Variants in DPP10 observed in about 807,000 individuals in gnomAD.
DPP10 encodes inactive dipeptidyl peptidase 10.
DPP10 carries 33 observed loss-of-function variants against 120.9 expected under a neutral mutation model. The observed-to-expected ratio is 0.27, with a 90% CI of 0.21 to 0.37. The LOEUF is 0.37. Ranked by LOEUF, DPP10 falls within the 10% of genes least tolerant of loss-of-function variation. DPP10 has a pLI of 1.00. For missense variants in DPP10, 816 were observed against 942.8 expected, an observed-to-expected ratio of 0.87 and a Z score of 1.76; for synonymous variants, 337 against 326.1, an observed-to-expected ratio of 1.03 and a Z score of -0.36.
intron 1 of DPP10, among the ~76,000 whole-genome samples, chr2:114,502,904 G>A (rs944197520): frequency 2.3e-4 from 35 of 152,300 alleles, no homozygotes; most frequent in African/African-American, 7.0e-4. Flanking sequence ...AGAGGATTTC[G>A]GAGTACTGTG....
chr2:115,177,865 G>A (rs1036558789), intron 1 of DPP10, among the ~76,000 whole-genome samples: 2 of 152,098 alleles, frequency 1.3e-5, no homozygotes, highest in East Asian at 1.9e-4. Context: ...CCAGGTTCAT[G>A]CCATTCTCCT....
intron 1 of DPP10, among the ~76,000 whole-genome samples, chr2:114,987,100 C>A (rs891376085): frequency 6.6e-5 from 10 of 152,030 alleles, no homozygotes; most frequent in African/African-American, 2.2e-4. Flanking sequence ...TTTCTCATTG[C>A]CATTCCATTA....
At chr2:115,568,194 A>G (rs551751636) in intron 5 of DPP10, among the ~76,000 whole-genome samples, 27 of 146,540 alleles carry the variant, frequency 1.8e-4, no homozygotes, top group African/African-American at 5.6e-4. Flanking sequence ...AAAGAAAAAA[A>G]AAAAAAAAGA....
chr2:115,712,031 G>A (rs1335359491), intron 7 of DPP10, among the ~76,000 whole-genome samples: 1 of 150,666 alleles, frequency 6.6e-6, no homozygotes, highest in African/African-American at 2.4e-5. Flanking sequence ...CCATGGACTG[G>A]GGCAGGGGAG....
At chr2:115,155,905 T>A (rs2051876599) in intron 1 of DPP10, among the ~76,000 whole-genome samples, 1 of 152,192 alleles carries the variant, frequency 6.6e-6, no homozygotes, top group African/African-American at 2.4e-5. Flanking sequence ...CTTTTTCTCC[T>A]CCTACTCTAC....
At chr2:115,827,400 GTGTA>G (rs1232171108) in intron 21 of DPP10, among the ~76,000 whole-genome samples, 5 of 64,256 alleles carry the variant, frequency 7.8e-5, no homozygotes, top group Admixed American at 2.8e-4. Context: ...GTGTGTGTGT[GTGTA>G]TGTGTGTGTG....
chr2:115,373,598 G>T (rs2065571163), intron 3 of DPP10, among the ~76,000 whole-genome samples: 1 of 151,992 alleles, frequency 6.6e-6, no homozygotes, highest in Non-Finnish European at 1.5e-5. Context: ...CTCGAAAAAG[G>T]AAGAATGTTT....
chr2:114,613,174 A>G (rs958812423), intron 1 of DPP10, among the ~76,000 whole-genome samples: 3 of 152,170 alleles, frequency 2.0e-5, no homozygotes, highest in Admixed American at 2.0e-4. Context: ...TTGATATTCC[A>G]TTTTTAAGCA....
At chr2:115,533,961 A>G (rs2078630960) in intron 5 of DPP10, among the ~76,000 whole-genome samples, 1 of 152,062 alleles carries the variant, frequency 6.6e-6, no homozygotes, top group African/African-American at 2.4e-5. Context: ...AAAAGTCCCT[A>G]GGAGGTGGAC....
chr2:115,389,831 A>AT (rs201564197), intron 3 of DPP10, among the ~76,000 whole-genome samples: 1 of 156 alleles, frequency 6.4e-3, no homozygotes, highest in Non-Finnish European at 0.013. Context: ...TAAATATATC[A>AT]ATTTATAGAA....
chr2:114,532,256 C>CATATATATATATATAT (rs66716319), intron 1 of DPP10, among the ~76,000 whole-genome samples: 163 of 86,002 alleles, frequency 1.9e-3, no homozygotes, highest in Non-Finnish European at 2.6e-3. Flanking sequence ...AATAAATCTC[C>CATATATATATATATAT]ATATATATAT....
chr2:115,344,745 T>C (rs771698605), intron 3 of DPP10, among the ~76,000 whole-genome samples: 3 of 152,196 alleles, frequency 2.0e-5, no homozygotes, highest in Non-Finnish European at 2.9e-5. Flanking sequence ...TTGAATGTTC[T>C]AATTTGACCA....
chr2:115,033,893 CTTTTTTTTT>C (rs965717193), intron 1 of DPP10, among the ~76,000 whole-genome samples: 2 of 89,860 alleles, frequency 2.2e-5, no homozygotes, highest in African/African-American at 4.4e-5. Flanking sequence ...TTTTCTTTTT[CTTTTTTTTT>C]TTTTTTTTTT....
At chr2:114,794,467 A>G (rs527744231) in intron 1 of DPP10, among the ~76,000 whole-genome samples, 6 of 152,304 alleles carry the variant, frequency 3.9e-5, no homozygotes, top group Non-Finnish European at 7.3e-5. Flanking sequence ...TTGATCCAAA[A>G]ATAATTTTAG....
intron 19 of DPP10, among the ~76,000 whole-genome samples, chr2:115,806,199 A>T (rs1685948239): frequency 6.6e-6 from 1 of 152,178 alleles, no homozygotes; most frequent in African/African-American, 2.4e-5. Flanking sequence ...CTGGCTAAGA[A>T]TTCCAATTTC....
intron 5 of DPP10, among the ~76,000 whole-genome samples, chr2:115,541,831 AAAAT>A (rs1217766422): frequency 6.6e-6 from 1 of 151,962 alleles, no homozygotes; most frequent in Non-Finnish European, 1.5e-5. Flanking sequence ...AAGATAAAAG[AAAAT>A]AAATAAGTAA....
chr2:114,818,314 CTA>C (rs776624742), intron 1 of DPP10, among the ~76,000 whole-genome samples: 4 of 152,140 alleles, frequency 2.6e-5, no homozygotes, highest in Non-Finnish European at 5.9e-5. Context: ...TATCTTAGGA[CTA>C]TGCTCTCTAA....
At chr2:114,823,086 A>G (rs1294219857) in intron 1 of DPP10, among the ~76,000 whole-genome samples, 2 of 152,158 alleles carry the variant, frequency 1.3e-5, no homozygotes. Flanking sequence ...CTCTACCGGT[A>G]CCAATTTACT....
At chr2:115,307,039 C>G (rs890394234) in intron 1 of DPP10, among the ~76,000 whole-genome samples, 3 of 152,166 alleles carry the variant, frequency 2.0e-5, no homozygotes, top group African/African-American at 7.2e-5. Context: ...ATTTTATGAA[C>G]TAGAACTCCA....
Sources: allele counts gnomAD v4.1 joint callset (sites outside exome capture counted in the v4.1 genomes callset), GRCh38; gene constraint gnomAD v4.1.1; transcripts MANE v1.5; gene names NCBI Gene and HGNC (gene_info 2026-07-23, HGNC 2026-07-21).